Variants in TRABD2B observed in about 807,000 individuals in gnomAD.
TRABD2B encodes metalloprotease TIKI2.
In TRABD2B, 14 loss-of-function variants were observed where a neutral mutation model predicts 40.1. The observed-to-expected ratio is 0.35, with a 90% CI of 0.23 to 0.55. TRABD2B has a LOEUF of 0.55. Ranked by LOEUF, TRABD2B falls within the 20% of genes least tolerant of loss-of-function variation. TRABD2B has a pLI of 0.90. For synonymous variants in TRABD2B, 263 were observed against 277.0 expected (o/e 0.95, Z 0.50); for missense variants, 541 against 648.6 (o/e 0.83, Z 1.80).
intron 2 of TRABD2B, among the ~76,000 whole-genome samples, chr1:47,944,558 G>A (rs1181805726): frequency 6.6e-6 from 1 of 152,152 alleles, no homozygotes; most frequent in Non-Finnish European, 1.5e-5. Flanking sequence ...AAGAGCAGGT[G>A]GAGGAAGGAA....
rs181751952 is a variant in TRABD2B, at chr1:47,855,839, C to T, written c.667-54220G>A. On this transcript the variant is annotated intron_variant, in intron 2 of 6. Transcript: ENST00000606738. ...GCCATCTGCAAACCAGAAGAGGGCC[C>T]GCATCAGAACTTGACCATGCTAACA... is the stretch of plus-strand genomic sequence containing the variant. Among the ~76,000 whole-genome samples the T allele has an allele frequency of 2.7e-3, 417 of 152,314 alleles. 1 individual carries two copies. Among genetic ancestry groups the T allele is most frequent in the African/African-American group, 9.4e-3 (390 of 41,570 alleles).
chr1:47,944,417 G>C (rs1181034123), intron 2 of TRABD2B, among the ~76,000 whole-genome samples: 1 of 152,208 alleles, frequency 6.6e-6, no homozygotes, highest in Admixed American at 6.5e-5. Context: ...AGTGTCTCAG[G>C]GAACAGAAGC....
At chr1:47,825,653 G>C (rs546001054) in intron 2 of TRABD2B, among the ~76,000 whole-genome samples, 1 of 152,310 alleles carries the variant, frequency 6.6e-6, no homozygotes, top group South Asian at 2.1e-4. Flanking sequence ...GCCCAGAAAG[G>C]CCCTCACTTC....
At chr1:47,962,851 T>C (rs1385825390) in intron 2 of TRABD2B, among the ~76,000 whole-genome samples, 1 of 152,196 alleles carries the variant, frequency 6.6e-6, no homozygotes, top group Non-Finnish European at 1.5e-5. Context: ...CCAAGGGCTC[T>C]TGGTGAGGAC....
intron 2 of TRABD2B, among the ~76,000 whole-genome samples, chr1:47,966,585 T>C (rs1201335064): frequency 6.6e-6 from 1 of 152,092 alleles, no homozygotes; most frequent in Non-Finnish European, 1.5e-5. Context: ...TAACACAGCT[T>C]TGCCAATCTC....
At chr1:47,947,563 G>A (rs1373800824) in intron 2 of TRABD2B, among the ~76,000 whole-genome samples, 2 of 152,162 alleles carry the variant, frequency 1.3e-5, no homozygotes, top group African/African-American at 2.4e-5. Context: ...AAGTGTACAG[G>A]AAAGAGGTCA....
chr1:47,906,092 G>A (rs1644673390), intron 2 of TRABD2B, among the ~76,000 whole-genome samples: 1 of 152,190 alleles, frequency 6.6e-6, no homozygotes, highest in South Asian at 2.1e-4. Flanking sequence ...CAGGCCTGCG[G>A]CAGAGCTGGG....
At chr1:47,835,542 G>A (rs1308820849) in intron 2 of TRABD2B, among the ~76,000 whole-genome samples, 3 of 152,144 alleles carry the variant, frequency 2.0e-5, no homozygotes, top group African/African-American at 7.2e-5. Context: ...AGAGACAACT[G>A]AACCATCATA....
chr1:47,958,828 C>G (rs1645464649), intron 2 of TRABD2B, among the ~76,000 whole-genome samples: 1 of 152,186 alleles, frequency 6.6e-6, no homozygotes. Flanking sequence ...ACAAGGATAT[C>G]CAGGAATTGA....
intron 2 of TRABD2B, among the ~76,000 whole-genome samples, chr1:47,878,439 C>T (rs1030836549): frequency 6.6e-6 from 1 of 152,192 alleles, no homozygotes; most frequent in Admixed American, 6.5e-5. Context: ...TGGCATCACA[C>T]AGCCACGAAC....
chr1:47,958,858 G>A (rs569830330), intron 2 of TRABD2B, among the ~76,000 whole-genome samples: 2 of 152,106 alleles, frequency 1.3e-5, no homozygotes, highest in Admixed American at 6.5e-5. Context: ...TGCACCAACC[G>A]GACCTAATAG....
At chr1:47,978,372 T>C (rs959393732) in intron 2 of TRABD2B, among the ~76,000 whole-genome samples, 16 of 152,320 alleles carry the variant, frequency 1.1e-4, no homozygotes, top group African/African-American at 3.4e-4. Context: ...TATTTCGTTA[T>C]AGCAACATGA....
chr1:47,841,558 G>A (rs1423091621), intron 2 of TRABD2B, among the ~76,000 whole-genome samples: 1 of 152,152 alleles, frequency 6.6e-6, no homozygotes, highest in Non-Finnish European at 1.5e-5. Context: ...GGCATGGATG[G>A]GGAGTTACAC....
intron 2 of TRABD2B, among the ~76,000 whole-genome samples, chr1:47,913,933 G>A (rs887806075): frequency 2.0e-5 from 3 of 152,226 alleles, no homozygotes; most frequent in Non-Finnish European, 1.5e-5. Context: ...AGGCATGGTT[G>A]ATTAATTTGC....
In TRABD2B at chr1:47,809,262, G is replaced by A. The variant is rs186110312; in HGVS notation, c.667-7643C>T. On this transcript the variant is annotated intron_variant, in intron 2 of 6. Coordinates refer to ENST00000606738, the MANE Select transcript of TRABD2B (RefSeq NM_001194986.2). ...TTTATTACTAACACTCGTCCTTCCC[G>A]CTTGAGGATGAATGCTCTGAGGTCA... Among the ~76,000 whole-genome samples, 470 of 152,248 alleles carry A rather than the reference G, an allele frequency of 3.1e-3. 2 individuals carry two copies. The highest frequency in any genetic ancestry group is 0.012 in the Admixed American group (181 of 15,298).
chr1:47,810,475 G>C (rs1335962084), intron 2 of TRABD2B, among the ~76,000 whole-genome samples: 3 of 152,190 alleles, frequency 2.0e-5, no homozygotes. Context: ...GTGGGTATCT[G>C]AGAGAAGAGG....
At chr1:47,875,674 C>CAAAAAAAAAAAAAAAAAA (rs10541556) in intron 2 of TRABD2B, among the ~76,000 whole-genome samples, 1 of 75,926 alleles carries the variant, frequency 1.3e-5, no homozygotes, top group Admixed American at 1.7e-4. Flanking sequence ...AACCCTGTCT[C>CAAAAAAAAAAAAAAAAAA]AAAAAAAAAA....
rs1306006874 is a variant in TRABD2B, at chr1:47,997,280, G to A, written c.-491C>T. The A allele has an allele frequency of 3.2e-6, 3 of 946,282 alleles. No homozygotes were observed. Among genetic ancestry groups the A allele is most frequent in the Non-Finnish European group, 3.8e-6 (3 of 797,030 alleles). 58.6% of individuals were successfully genotyped at this position (946,282 alleles called of 1,614,324 possible). A position where few individuals can be genotyped will look rare whatever the true frequency, so the allele number is the denominator to read the frequency against. On this transcript the variant is annotated 5_prime_UTR_variant, in exon 1 of 7. Transcript: ENST00000606738. ...GCGGCAGGGGTGGGGGGCGGCTCTGGGGCGACCGGCTGCCCCCGAGCCCGG... is the reference window on the plus strand; with the variant it reads ...GCGGCAGGGGTGGGGGGCGGCTCTGAGGCGACCGGCTGCCCCCGAGCCCGG...
chr1:47,875,055 T>C (rs1172533267), intron 2 of TRABD2B, among the ~76,000 whole-genome samples: 1 of 152,012 alleles, frequency 6.6e-6, no homozygotes, highest in Non-Finnish European at 1.5e-5. Context: ...GATGTAGCGC[T>C]TTCACCCAGG....
Sources: allele counts gnomAD v4.1 joint callset (sites outside exome capture counted in the v4.1 genomes callset), GRCh38; gene constraint gnomAD v4.1.1; transcripts MANE v1.5; gene names NCBI Gene and HGNC (gene_info 2026-07-23, HGNC 2026-07-21).